SLC35H1: variants seen among roughly 807,000 people sequenced by gnomAD.
SLC35H1 encodes the protein ovarian cancer-overexpressed gene 1 protein.
the SLC35H1 span, chr20:46,352,132 G>A: frequency 5.1e-5 from 82 of 1,614,218 alleles, 1 homozygote; most frequent in South Asian, 6.0e-4. Context: ...AACCAAAGGC[G>A]AGAATCCCGC....
chr20:46,348,645 C>T, the SLC35H1 span: 2 of 152,228 alleles, frequency 1.3e-5, no homozygotes, highest in South Asian at 2.1e-4. Context: ...AGGCAGATCT[C>T]GGTCTGACTC....
At chr20:46,350,599 G>A in the SLC35H1 span, 3 of 1,528,598 alleles carry the variant, frequency 2.0e-6, no homozygotes, top group South Asian at 1.3e-5. Context: ...CATGTGTGCT[G>A]AGTCACCCAG....
At chr20:46,361,631 A>G in the SLC35H1 span, among the ~76,000 whole-genome samples, 1 of 152,200 alleles carries the variant, frequency 6.6e-6, no homozygotes, top group Admixed American at 6.5e-5. Context: ...CAGGATGTTT[A>G]GCAACATCCC....
the SLC35H1 span, chr20:46,357,616 C>A: frequency 6.2e-7 from 1 of 1,612,130 alleles, no homozygotes; most frequent in Non-Finnish European, 8.5e-7. Flanking sequence ...TGAGGTCCCC[C>A]ACCTACCTGT....
At chr20:46,357,050 C>T in the SLC35H1 span, among the ~76,000 whole-genome samples, 6 of 152,214 alleles carry the variant, frequency 3.9e-5, no homozygotes, top group Non-Finnish European at 7.3e-5. Context: ...TTCCTCTGGC[C>T]AGCACCGGGT....
the SLC35H1 span, chr20:46,355,193 T>A: frequency 1.2e-6 from 2 of 1,613,724 alleles, no homozygotes; most frequent in Non-Finnish European, 1.7e-6. The surrounding 1 kb of genome is among the most constrained non-coding windows in gnomAD (Gnocchi z 4.8). Context: ...TAGGTGAACA[T>A]GAAGAGACCC....
chr20:46,355,928 C>T, the SLC35H1 span: 1 of 1,607,820 alleles, frequency 6.2e-7, no homozygotes, highest in African/African-American at 1.3e-5. This position sits in a 1 kb window ranked among gnomAD's most constrained non-coding sequence, Gnocchi z 4.8. Flanking sequence ...TCAGACCCAT[C>T]ACCGAGAAAG....
the SLC35H1 span, among the ~76,000 whole-genome samples, chr20:46,361,880 G>A: frequency 1.3e-5 from 2 of 152,188 alleles, no homozygotes; most frequent in African/African-American, 2.4e-5. Context: ...AGGGAAGTCT[G>A]TTCACTCTTC....
At chr20:46,362,330 C>T in the SLC35H1 span, among the ~76,000 whole-genome samples, 1 of 152,216 alleles carries the variant, frequency 6.6e-6, no homozygotes. Context: ...TTCTGCCCCA[C>T]TTTCCACAGA....
the SLC35H1 span, chr20:46,355,765 G>T: frequency 5.6e-6 from 9 of 1,613,352 alleles, no homozygotes; most frequent in South Asian, 2.2e-5. The surrounding 1 kb of genome is among the most constrained non-coding windows in gnomAD (Gnocchi z 4.8). Flanking sequence ...TAGCATCTGT[G>T]GGGGCAGGAA....
At chr20:46,357,993 G>A in the SLC35H1 span, among the ~76,000 whole-genome samples, 20 of 152,176 alleles carry the variant, frequency 1.3e-4, no homozygotes, top group Non-Finnish European at 2.6e-4. Flanking sequence ...ATCCTAGCCT[G>A]GTGCTGTCTC....
At chr20:46,352,376 A>G in the SLC35H1 span, 1 of 706,024 alleles carries the variant, frequency 1.4e-6, no homozygotes, top group Non-Finnish European at 2.3e-6. Context: ...CATGGAAGGT[A>G]TAAAGTGATC....
chr20:46,359,422 T>C, the SLC35H1 span, among the ~76,000 whole-genome samples: 1 of 152,204 alleles, frequency 6.6e-6, no homozygotes, highest in Admixed American at 6.5e-5. Flanking sequence ...ACACTGGCCT[T>C]ACGCACAGCT....
At chr20:46,359,380 C>T in the SLC35H1 span, among the ~76,000 whole-genome samples, 11 of 152,298 alleles carry the variant, frequency 7.2e-5, no homozygotes, top group African/African-American at 2.2e-4. Flanking sequence ...TGAGAGGCTA[C>T]GAGCGGCACA....
chr20:46,351,472 G>GC, the SLC35H1 span, among the ~76,000 whole-genome samples: 1 of 152,188 alleles, frequency 6.6e-6, no homozygotes, highest in Non-Finnish European at 1.5e-5. Context: ...GTCCCTCCCT[G>GC]CCCCTGAACA....
chr20:46,350,989 C>T, the SLC35H1 span: 107 of 1,495,996 alleles, frequency 7.2e-5, no homozygotes, highest in African/African-American at 1.4e-3. Flanking sequence ...CTCAGGTGGG[C>T]AGATCAAGAT....
the SLC35H1 span, chr20:46,354,865 G>A: frequency 5.1e-6 from 8 of 1,576,924 alleles, no homozygotes; most frequent in East Asian, 2.3e-5. Flanking sequence ...GCCCTTGAGA[G>A]GGAAGGCCCA....
chr20:46,353,815 G>C, the SLC35H1 span, among the ~76,000 whole-genome samples: 1 of 151,964 alleles, frequency 6.6e-6, no homozygotes, highest in East Asian at 1.9e-4. Context: ...GTGGCGTTTG[G>C]TACAAGGGGG....
the SLC35H1 span, chr20:46,357,836 C>A: frequency 6.3e-7 from 1 of 1,581,910 alleles, no homozygotes. Flanking sequence ...CACCGGCTCC[C>A]TCTTCCTCTT....
Sources: gnomAD v4.1 joint callset for allele counts (sites outside exome capture counted in the v4.1 genomes callset) on GRCh38, gnomAD v4.1.1 for gene constraint, Gnocchi (gnomAD v3.1) non-coding constraint, MANE v1.5 for transcripts, NCBI Gene and HGNC (gene_info 2026-07-23, HGNC 2026-07-21) for gene names.